Variants in KDM4C observed in about 807,000 individuals in gnomAD.
KDM4C encodes lysine demethylase 4C.
Under a neutral mutation model 129.3 loss-of-function variants are expected in KDM4C, and 81 were observed. That is an observed-to-expected ratio of 0.63 (90% CI 0.52 to 0.75). The LOEUF (loss-of-function observed/expected upper bound fraction) is 0.75. KDM4C is among the 30% of genes least tolerant of loss of function. The pLI is 0.00. For synonymous variants in KDM4C, 573 were observed against 456.1 expected, an observed-to-expected ratio of 1.26 and a Z score of -3.26; for missense variants, 1,457 against 1,304.0, an observed-to-expected ratio of 1.12 and a Z score of -1.81.
chr9:6,980,485 G>C lies in KDM4C; in HGVS notation c.922-440G>C, dbSNP rs139950435. On this transcript the variant is annotated intron_variant, in intron 8 of 21. Coordinates refer to ENST00000381309, the MANE Select transcript of KDM4C (RefSeq NM_015061.6). ...CATAAATATAATAAAATATATCTTA[G>C]AGTAAATTTATCTCAACTCACTGGT... 7.5e-3 allele frequency among the ~76,000 whole-genome samples: 1,137 copies of C among 152,184 alleles called. 10 individuals are homozygous for C. Among genetic ancestry groups the C allele is most frequent in the African/African-American group, 0.026 (1,097 of 41,520 alleles).
intron 12 of KDM4C, among the ~76,000 whole-genome samples, chr9:7,007,919 G>C (rs1251801423): frequency 6.6e-6 from 1 of 152,108 alleles, no homozygotes; most frequent in African/African-American, 2.4e-5. Context: ...CAGCAAGACA[G>C]TGGAATAGGA....
intron 17 of KDM4C, among the ~76,000 whole-genome samples, chr9:7,080,607 A>T (rs1019269177): frequency 6.6e-5 from 10 of 152,236 alleles, no homozygotes; most frequent in African/African-American, 9.6e-5. Flanking sequence ...TGCTTTGATA[A>T]TGAGGACTGC....
chr9:6,882,870 C>T (rs1588911891), intron 6 of KDM4C, among the ~76,000 whole-genome samples: 1 of 151,444 alleles, frequency 6.6e-6, no homozygotes, highest in Non-Finnish European at 1.5e-5. Flanking sequence ...GATTTTAATC[C>T]TGTGGAGTAA....
chr9:6,906,560 T>A (rs372083616), intron 8 of KDM4C, among the ~76,000 whole-genome samples: 1 of 152,168 alleles, frequency 6.6e-6, no homozygotes, highest in African/African-American at 2.4e-5. Flanking sequence ...CACCTCAGCC[T>A]CCTGAGTTGC....
chr9:7,107,863 T>C (rs1837876156), intron 18 of KDM4C, among the ~76,000 whole-genome samples: 1 of 152,200 alleles, frequency 6.6e-6, no homozygotes, highest in African/African-American at 2.4e-5. Context: ...GTTGTTGTTG[T>C]TGTTGTTGTC....
intron 21 of KDM4C, chr9:7,170,806 G>A: frequency 1.0e-6 from 1 of 977,580 alleles, no homozygotes; most frequent in Non-Finnish European, 1.2e-6. Context: ...AAAAACCAAG[G>A]GTTTTCTTAA....
chr9:7,060,835 A>G (rs758910132), intron 17 of KDM4C, among the ~76,000 whole-genome samples: 1 of 152,116 alleles, frequency 6.6e-6, no homozygotes, highest in Non-Finnish European at 1.5e-5. Flanking sequence ...GTGGGCATGC[A>G]TATTTGTTTT....
chr9:7,117,301 G>A (rs765998033), intron 18 of KDM4C, among the ~76,000 whole-genome samples: 69 of 151,998 alleles, frequency 4.5e-4, no homozygotes, highest in Admixed American at 2.0e-3. Flanking sequence ...TTTGCTTTGG[G>A]TTACCTTGTT....
chr9:6,751,496 T>C (rs1392786204), intron 1 of KDM4C, among the ~76,000 whole-genome samples: 3 of 152,134 alleles, frequency 2.0e-5, no homozygotes, highest in African/African-American at 4.8e-5. Context: ...GGTGGGGATA[T>C]AGCTGATCTC....
intron 4 of KDM4C, among the ~76,000 whole-genome samples, chr9:6,827,025 C>T (rs1833999546): frequency 6.6e-6 from 1 of 152,056 alleles, no homozygotes; most frequent in Admixed American, 6.6e-5. Flanking sequence ...CAGTGTGGGG[C>T]AGGGCACAGT....
intron 3 of KDM4C, among the ~76,000 whole-genome samples, chr9:6,807,883 G>C (rs1313204402): frequency 6.9e-6 from 1 of 145,012 alleles, no homozygotes; most frequent in Admixed American, 6.7e-5. Context: ...CCCCGTCCGG[G>C]AGGGAGGTGG....
chr9:6,765,898 C>A (rs1333904143), intron 1 of KDM4C, among the ~76,000 whole-genome samples: 1 of 152,048 alleles, frequency 6.6e-6, no homozygotes, highest in Non-Finnish European at 1.5e-5. Context: ...AAGCTATTCC[C>A]CTGCCTCAGT....
intron 1 of KDM4C, chr9:6,723,379 A>C (rs1407463016): frequency 6.6e-6 from 1 of 152,418 alleles, no homozygotes; most frequent in Non-Finnish European, 1.5e-5. Context: ...CTGTCTCAAA[A>C]GAAAAGAAGA....
At chr9:6,959,377 T>G (rs1254205729) in intron 8 of KDM4C, among the ~76,000 whole-genome samples, 1 of 152,250 alleles carries the variant, frequency 6.6e-6, no homozygotes, top group Non-Finnish European at 1.5e-5. Context: ...GATACTAGAC[T>G]GTGGTACCTG....
chr9:7,076,396 G>A, intron 17 of KDM4C: 4 of 1,378,604 alleles, frequency 2.9e-6, no homozygotes, highest in Non-Finnish European at 4.0e-6. Context: ...TTAAAATCTG[G>A]CATATTGGAC....
intron 4 of KDM4C, among the ~76,000 whole-genome samples, chr9:6,838,885 G>C (rs1214572865): frequency 6.6e-6 from 1 of 152,184 alleles, no homozygotes; most frequent in Non-Finnish European, 1.5e-5. Context: ...CTATATTAAA[G>C]TGTAGACCAG....
intron 18 of KDM4C, among the ~76,000 whole-genome samples, chr9:7,120,872 G>T (rs2133290178): frequency 6.6e-6 from 1 of 152,248 alleles, no homozygotes; most frequent in South Asian, 2.1e-4. Flanking sequence ...CAGCATATCA[G>T]TTGAATAGTT....
chr9:6,797,728 A>C (rs1160683152), intron 2 of KDM4C, among the ~76,000 whole-genome samples: 3 of 152,254 alleles, frequency 2.0e-5, no homozygotes, highest in African/African-American at 7.2e-5. Context: ...AAGAAAGATT[A>C]TAAGAAGCAC....
chr9:6,756,877 G>C (rs1039334115), upstream of KDM4C, among the ~76,000 whole-genome samples: 1 of 152,176 alleles, frequency 6.6e-6, no homozygotes, highest in Non-Finnish European at 1.5e-5. Flanking sequence ...GTGGTAAGCG[G>C]TGTCGATATA....
Sources: allele counts gnomAD v4.1 joint callset (sites outside exome capture counted in the v4.1 genomes callset), GRCh38; gene constraint gnomAD v4.1.1; transcripts MANE v1.5; gene names NCBI Gene and HGNC (gene_info 2026-07-23, HGNC 2026-07-21).